The following TMEM123 variants were observed in gnomAD, a reference collection of about 807,000 sequenced individuals.
TMEM123 encodes transmembrane protein 123, also known as porimin.
Under a neutral mutation model 19.7 loss-of-function variants are expected in TMEM123, and 16 were observed. The ratio of observed to expected loss-of-function variants is 0.81; its 90% CI spans 0.55 to 1.23. TMEM123 has a LOEUF of 1.23. Among genes scored for constraint, TMEM123 ranks in the 50% most tolerant of loss-of-function variants. TMEM123 has a pLI of 0.00. For missense variants in TMEM123, 313 were observed against 257.8 expected (o/e 1.21, Z -1.47); for synonymous variants, 118 against 99.4 (o/e 1.19, Z -1.12).
intron 4 of TMEM123, among the ~76,000 whole-genome samples, chr11:102,399,616 G>C (rs1269840778): frequency 5.9e-5 from 9 of 152,232 alleles, no homozygotes; most frequent in African/African-American, 2.2e-4. Flanking sequence ...GATCATGGAA[G>C]CTAAAGTGAG....
rs999758225 is a variant in TMEM123, at chr11:102,413,063, TAG to T, written c.158-10859_158-10858del. On this transcript the variant is annotated intron_variant, in intron 2 of 4. Transcript: ENST00000398136. ...TGTGGGATGCAACTCAAGTTATGCTTAGAGAGATTTATAGCAAAAATGCATAT... is the reference window on the plus strand; with the variant it reads ...TGTGGGATGCAACTCAAGTTATGCTTAGAGATTTATAGCAAAAATGCATAT... Among the ~76,000 whole-genome samples the T allele has an allele frequency of 2.0e-5, 3 of 152,254 alleles. No homozygotes were observed. In the South Asian group the frequency reaches 6.2e-4, roughly 32 times the overall value.
At chr11:102,399,628 T>G (rs769771709) in intron 4 of TMEM123, among the ~76,000 whole-genome samples, 3 of 152,224 alleles carry the variant, frequency 2.0e-5, no homozygotes, top group Admixed American at 2.0e-4. Flanking sequence ...TAAAGTGAGT[T>G]TGATATGATA....
rs1032360970 is a variant in TMEM123 at position 102,429,051 on chromosome 11, G to A, written c.157+19761C>T. On this transcript the variant is annotated intron_variant, in intron 2 of 4. Transcript: ENST00000398136. ...TTCAAACCAGGTCAATCAGCCTCTCGCAGGAGTCTGAAATGTGAGTAGAAT... is the reference window on the plus strand; with the variant it reads ...TTCAAACCAGGTCAATCAGCCTCTCACAGGAGTCTGAAATGTGAGTAGAAT... 9.9e-5 allele frequency among the ~76,000 whole-genome samples: 15 copies of A among 152,198 alleles called. No homozygotes were observed. The East Asian group carries it at 2.1e-3, about 22-fold the overall frequency.
At chr11:102,424,778 A>G (rs1028683067) in intron 2 of TMEM123, among the ~76,000 whole-genome samples, 1 of 152,090 alleles carries the variant, frequency 6.6e-6, no homozygotes, top group Admixed American at 6.5e-5. Context: ...ATTTATATAG[A>G]TAAGACTATT....
At chr11:102,408,237 G>C (rs903824526) in intron 2 of TMEM123, among the ~76,000 whole-genome samples, 2 of 152,206 alleles carry the variant, frequency 1.3e-5, no homozygotes, top group Admixed American at 1.3e-4. Flanking sequence ...TCAGCCCACA[G>C]TGAAAGACGA....
chr11:102,398,432 C>G lies in TMEM123; in HGVS notation c.*435G>C. 2.5e-6 allele frequency: 1 copy of G among 399,124 alleles called. No individual in the cohort carries two copies. 24.7% of individuals were successfully genotyped at this position (399,124 alleles called of 1,614,324 possible). A position where few individuals can be genotyped will look rare whatever the true frequency, so the allele number is the denominator to read the frequency against. On this transcript the variant is annotated 3_prime_UTR_variant, in exon 5 of 5. Transcript: ENST00000398136. ...TGTGGCATTAGTAATTAAGATATAT[C>G]CAGCTCTGAAAAGCACTGAAGTTCT... is the stretch of plus-strand genomic sequence containing the variant.
At chr11:102,424,405 G>A (rs2135853799) in intron 2 of TMEM123, among the ~76,000 whole-genome samples, 1 of 152,256 alleles carries the variant, frequency 6.6e-6, no homozygotes, top group Admixed American at 6.5e-5. Flanking sequence ...TAAACTCAGG[G>A]CCAGGCACAG....
At chr11:102,435,153 G>A (rs535985878) in intron 2 of TMEM123, among the ~76,000 whole-genome samples, 18 of 151,974 alleles carry the variant, frequency 1.2e-4, no homozygotes, top group East Asian at 9.6e-4. Flanking sequence ...CAGCTTGGGC[G>A]ACAAAGCAAG....
chr11:102,409,731 G>A (rs1359453429), intron 2 of TMEM123, among the ~76,000 whole-genome samples: 2 of 151,890 alleles, frequency 1.3e-5, no homozygotes, highest in East Asian at 1.9e-4. Context: ...AAAATTAGCT[G>A]GGCATGGTGG....
At chr11:102,406,764 G>C (rs191047809) in intron 2 of TMEM123, among the ~76,000 whole-genome samples, 1 of 151,784 alleles carries the variant, frequency 6.6e-6, no homozygotes, top group Non-Finnish European at 1.5e-5. Context: ...CCAGCTACTC[G>C]GGAGGCTGAG....
intron 2 of TMEM123, among the ~76,000 whole-genome samples, chr11:102,412,951 A>C (rs953913876): frequency 6.6e-6 from 1 of 152,208 alleles, no homozygotes; most frequent in Non-Finnish European, 1.5e-5. Flanking sequence ...AAAGGATGAG[A>C]AAATAAGTAA....
chr11:102,410,005 C>A (rs1358727063), intron 2 of TMEM123, among the ~76,000 whole-genome samples: 5 of 151,108 alleles, frequency 3.3e-5, no homozygotes, highest in African/African-American at 1.2e-4. Context: ...TTTTTAAACT[C>A]AAAAACTAAA....
intron 2 of TMEM123, among the ~76,000 whole-genome samples, chr11:102,414,814 C>A (rs1030942884): frequency 6.6e-6 from 1 of 152,142 alleles, no homozygotes; most frequent in African/African-American, 2.4e-5. Flanking sequence ...AACCAGTTAA[C>A]AACACAGTAA....
At chr11:102,445,030 G>A (rs541137476) in intron 2 of TMEM123, among the ~76,000 whole-genome samples, 1 of 151,248 alleles carries the variant, frequency 6.6e-6, no homozygotes, top group Admixed American at 6.6e-5. Flanking sequence ...GGGGTGGGGG[G>A]AAGGGGGGAG....
chr11:102,411,304 G>A (rs976109202), intron 2 of TMEM123, among the ~76,000 whole-genome samples: 2 of 152,176 alleles, frequency 1.3e-5, no homozygotes, highest in African/African-American at 2.4e-5. Flanking sequence ...AGACGGCGGT[G>A]TTCCCAGAGA....
chr11:102,422,211 T>C (rs763085276), intron 2 of TMEM123, among the ~76,000 whole-genome samples: 16 of 152,204 alleles, frequency 1.1e-4, no homozygotes, highest in Non-Finnish European at 1.9e-4. Context: ...TGGTGGCTCA[T>C]GCCTGTAACC....
chr11:102,426,792 A>C (rs1347035041), intron 2 of TMEM123, among the ~76,000 whole-genome samples: 1 of 140,300 alleles, frequency 7.1e-6, no homozygotes, highest in Admixed American at 7.9e-5. Flanking sequence ...CAATGAAAGC[A>C]AATTTACTTA....
intron 4 of TMEM123, 55 bp from the exon 5 acceptor site, chr11:102,398,946 C>T: frequency 4.1e-6 from 6 of 1,475,386 alleles, no homozygotes; most frequent in African/African-American, 1.4e-5. Flanking sequence ...GTCAAAACTA[C>T]TTATGTTCCT....
At chr11:102,412,005 C>A (rs1028313955) in intron 2 of TMEM123, among the ~76,000 whole-genome samples, 1 of 152,222 alleles carries the variant, frequency 6.6e-6, no homozygotes, top group Non-Finnish European at 1.5e-5. Context: ...CCCTAGCAGG[C>A]AGTTCATTTT....
Sources: allele counts gnomAD v4.1 joint callset (sites outside exome capture counted in the v4.1 genomes callset), GRCh38; gene constraint gnomAD v4.1.1; transcripts MANE v1.5; gene names NCBI Gene and HGNC (gene_info 2026-07-23, HGNC 2026-07-21).